Variants in JMJD1C observed in about 807,000 individuals in gnomAD.
JMJD1C encodes the protein jumonji domain-containing protein 1C.
In JMJD1C, 31 loss-of-function variants were observed where a neutral mutation model predicts 245.3. The ratio of observed to expected loss-of-function variants is 0.13; its 90% confidence interval spans 0.09 to 0.17. The LOEUF (loss-of-function observed/expected upper bound fraction) is 0.17. Among genes scored for constraint, JMJD1C ranks in the 10% least tolerant of loss-of-function variants. JMJD1C has a pLI of 1.00. For missense variants in JMJD1C, 2,691 were observed against 3,000.2 expected (o/e 0.90, Z 2.41); for synonymous variants, 1,057 against 1,017.4 (o/e 1.04, Z -0.74).
chr10:63,372,966 C>A (rs1444166545), intron 2 of JMJD1C: 2 of 216,136 alleles, frequency 9.3e-6, no homozygotes, highest in East Asian at 1.6e-4. Context: ...TACAGCCCAC[C>A]TGGGTTAGGG....
chr10:63,303,688 T>G (rs1273594835), intron 2 of JMJD1C, among the ~76,000 whole-genome samples: 1 of 152,216 alleles, frequency 6.6e-6, no homozygotes, highest in African/African-American at 2.4e-5. Flanking sequence ...TGTTATTTCT[T>G]GTACTGTTAT....
intron 1 of JMJD1C, among the ~76,000 whole-genome samples, chr10:63,459,062 C>T (rs183789227): frequency 6.6e-6 from 1 of 152,240 alleles, no homozygotes; most frequent in East Asian, 1.9e-4. Flanking sequence ...TAATATAGTA[C>T]AAGTCCTTAC....
At chr10:63,229,738 G>T (rs1327008447) in intron 3 of JMJD1C, among the ~76,000 whole-genome samples, 1 of 151,944 alleles carries the variant, frequency 6.6e-6, no homozygotes, top group Non-Finnish European at 1.5e-5. Context: ...TTGTACCAGG[G>T]GAAAACAGCA....
intron 1 of JMJD1C, among the ~76,000 whole-genome samples, chr10:63,381,386 G>C (rs773232954): frequency 6.6e-6 from 1 of 152,170 alleles, no homozygotes; most frequent in Non-Finnish European, 1.5e-5. Flanking sequence ...GGTGGCACAT[G>C]CCTTTAGTCC....
chr10:63,440,415 G>A (rs1386988560), intron 1 of JMJD1C, among the ~76,000 whole-genome samples: 1 of 151,302 alleles, frequency 6.6e-6, no homozygotes, highest in African/African-American at 2.4e-5. Flanking sequence ...ACACGAAGGA[G>A]AGTCGATTAA....
intron 2 of JMJD1C, among the ~76,000 whole-genome samples, chr10:63,357,826 G>GACACACACACACACACAC (rs35073293): frequency 2.1e-5 from 3 of 140,436 alleles, no homozygotes; most frequent in East Asian, 2.1e-4. Context: ...CAGACAGACA[G>GACACACACACACACACAC]ACACACACAC....
Position 63,213,184 on chromosome 10 carries a change from C to CAA in JMJD1C, c.2694+287_2694+288dup, listed in dbSNP as rs1353771228. On this transcript the variant is annotated intron_variant, in intron 8 of 25. Transcript: ENST00000399262. ...TAAGCAACAGAATGAGACTCCATCT[C>CAA]AAAAAAAAAAAAAAAGAAAAAGAAA... is the stretch of plus-strand genomic sequence containing the variant. 7.2e-5 allele frequency among the ~76,000 whole-genome samples: 4 copies of CAA among 55,924 alleles called. 1 individual carries two copies. The highest frequency in any genetic ancestry group is 0.023 in the Middle Eastern group (2 of 86). 36.7% of individuals were successfully genotyped at this position (55,924 alleles called of 152,430 possible).
At chr10:63,315,426 T>C (rs1240685714) in intron 2 of JMJD1C, among the ~76,000 whole-genome samples, 3 of 152,218 alleles carry the variant, frequency 2.0e-5, no homozygotes, top group Non-Finnish European at 2.9e-5. Context: ...TATTGTAACA[T>C]TCCTTCTGCC....
chr10:63,435,090 G>C (rs1478035958), intron 1 of JMJD1C, among the ~76,000 whole-genome samples: 6 of 152,190 alleles, frequency 3.9e-5, no homozygotes, highest in African/African-American at 1.4e-4. Flanking sequence ...TTTGCATTTG[G>C]AATAAATCAT....
intron 2 of JMJD1C, among the ~76,000 whole-genome samples, chr10:63,322,221 A>G (rs184970722): frequency 5.5e-4 from 83 of 152,274 alleles, no homozygotes; most frequent in African/African-American, 2.0e-3. Flanking sequence ...CATAAAAGAG[A>G]AAAGAATATT....
rs146321379 is a variant in JMJD1C, at chr10:63,510,790, A to G, written n.113+10948T>C. Among the ~76,000 whole-genome samples the G allele has an allele frequency of 6.9e-3, 1,056 of 152,314 alleles. 6 individuals are homozygous for G. Among genetic ancestry groups the G allele is most frequent in the South Asian group, 0.014 (68 of 4,822 alleles). The stretch of plus-strand genomic sequence containing the variant: ...TGTCAATTTCTGATACAGGAGTGTT[A>G]AAGTGTCCAATTATAATAGTACATT... On this transcript the variant is annotated intron_variant and non_coding_transcript_variant, in intron 1 of 3. Transcript: ENST00000633035.
chr10:63,465,709 C>G lies in JMJD1C; in HGVS notation c.-47G>C, dbSNP rs112158348. On this transcript the variant is annotated 5_prime_UTR_variant, in exon 1 of 26. Coordinates refer to ENST00000399262, the MANE Select transcript of JMJD1C (RefSeq NM_032776.3). ...CGCTGCCTCCTCCAGTGCGAGGGAA[C>G]CGATGAAACCTCACTCCTACCGGCC... is the stretch of plus-strand genomic sequence containing the variant. The G allele has an allele frequency of 1.8e-5, 29 of 1,595,848 alleles. No homozygotes were observed. In the African/African-American group the frequency reaches 3.2e-4, roughly 18 times the overall value.
chr10:63,395,740 A>T (rs940967345), intron 1 of JMJD1C, among the ~76,000 whole-genome samples: 1 of 152,232 alleles, frequency 6.6e-6, no homozygotes, highest in African/African-American at 2.4e-5. Context: ...ACTGTAGCAG[A>T]TAATATAATG....
At chr10:63,417,258 T>C (rs867372768) in intron 1 of JMJD1C, among the ~76,000 whole-genome samples, 4 of 152,206 alleles carry the variant, frequency 2.6e-5, no homozygotes, top group Non-Finnish European at 5.9e-5. Flanking sequence ...TTAAGAAGCA[T>C]GCTCAATGTA....
chr10:63,176,672 G>A (rs1028983480), intron 23 of JMJD1C, 199 bp from the exon 24 acceptor site: 2 of 539,992 alleles, frequency 3.7e-6, no homozygotes, highest in Non-Finnish European at 6.6e-6. Context: ...ATACAGCAAT[G>A]CTGAAATGCT....
rs1847729441 is a variant in JMJD1C at position 63,214,444 on chromosome 10, T to A, written c.1723A>T (p.Thr575Ser). 6.2e-7 allele frequency: 1 copy of A among 1,613,820 alleles called. No individual in the cohort carries two copies. Among genetic ancestry groups the A allele is most frequent in the Non-Finnish European group, 8.5e-7 (1 of 1,179,974 alleles). ...WVSDVVKVDLTQSSVTNASSG... is the reference protein window; with the variant it reads ...WVSDVVKVDLSQSSVTNASSG... Reference sequence around the variant, plus strand: ...GAAGCATTTGTAACACTTGATTGGGTTAGATCCACTTTAACTACATCACTG... The same window carrying A: ...GAAGCATTTGTAACACTTGATTGGGATAGATCCACTTTAACTACATCACTG... The change falls in exon 8 of 26, where the codon ACC becomes TCC. Residue 575 changes from threonine to serine, a missense_variant. Coordinates refer to ENST00000399262, the MANE Select transcript of JMJD1C (RefSeq NM_032776.3).
At chr10:63,297,632 C>A (rs1203172021) in intron 2 of JMJD1C, among the ~76,000 whole-genome samples, 1 of 152,142 alleles carries the variant, frequency 6.6e-6, no homozygotes, top group African/African-American at 2.4e-5. Flanking sequence ...TTTCTGGGGG[C>A]CCAGACCTTG....
At chr10:63,191,889 G>A (rs551121850) in intron 16 of JMJD1C, among the ~76,000 whole-genome samples, 1 of 42,606 alleles carries the variant, frequency 2.3e-5, no homozygotes, top group East Asian at 7.0e-4. Flanking sequence ...GGAGGCTGAG[G>A]CACAAGAATC....
chr10:63,323,300 G>C (rs537558339), intron 2 of JMJD1C, among the ~76,000 whole-genome samples: 3 of 152,290 alleles, frequency 2.0e-5, no homozygotes, highest in South Asian at 2.1e-4. Context: ...AAGGCAGACA[G>C]ATCACTTGAG....
Sources: gnomAD v4.1 joint callset for allele counts (sites outside exome capture counted in the v4.1 genomes callset) on GRCh38, gnomAD v4.1.1 for gene constraint, MANE v1.5 for transcripts, NCBI Gene and HGNC (gene_info 2026-07-23, HGNC 2026-07-21) for gene names.